The following SLC14A2 variants were observed in gnomAD, a reference collection of about 807,000 sequenced individuals.
SLC14A2 encodes the protein urea transporter 2.
Under a neutral mutation model 104.6 loss-of-function variants are expected in SLC14A2, and 91 were observed. That is an observed-to-expected ratio of 0.87 (90% CI 0.73 to 1.04). The LOEUF is 1.04. Among genes scored for constraint, SLC14A2 ranks in the 50% least tolerant of loss-of-function variants. The probability of loss-of-function intolerance (pLI) is 0.00; values close to 1 mark genes in which losing one functional copy is unlikely to be tolerated. For synonymous variants in SLC14A2, 476 were observed against 466.4 expected (o/e 1.02, Z -0.27); for missense variants, 1,189 against 1,156.0 (o/e 1.03, Z -0.41).
intron 2 of SLC14A2, among the ~76,000 whole-genome samples, chr18:45,561,557 C>T (rs1010855992): frequency 6.6e-6 from 1 of 152,158 alleles, no homozygotes; most frequent in Non-Finnish European, 1.5e-5. Context: ...CTCTACTTCA[C>T]AAACACCTAT....
intron 2 of SLC14A2, chr18:45,550,165 G>A (rs1013840399): frequency 3.3e-5 from 5 of 152,142 alleles, no homozygotes; most frequent in Non-Finnish European, 5.9e-5. Flanking sequence ...ATTAATAAAT[G>A]TACCCATTAC....
chr18:45,558,968 T>C (rs1188356916), intron 2 of SLC14A2, among the ~76,000 whole-genome samples: 28 of 152,186 alleles, frequency 1.8e-4, no homozygotes, highest in Non-Finnish European at 1.5e-5. Flanking sequence ...TTTTTTGTAT[T>C]TTAGTAGAGA....
intron 5 of SLC14A2, among the ~76,000 whole-genome samples, chr18:45,632,728 A>AG (rs1308060169): frequency 1.2e-4 from 19 of 152,164 alleles, no homozygotes; most frequent in African/African-American, 4.1e-4. Flanking sequence ...TCCAGGCTGG[A>AG]GTGCAGTGGC....
chr18:45,560,091 A>T (rs568634111), intron 2 of SLC14A2, among the ~76,000 whole-genome samples: 37 of 152,278 alleles, frequency 2.4e-4, no homozygotes, highest in African/African-American at 8.4e-4. Flanking sequence ...TCACTGCTTC[A>T]TCGTCATCTG....
the SLC14A2 span, chr18:45,179,944 G>T: frequency 6.6e-6 from 1 of 152,042 alleles, no homozygotes; most frequent in Non-Finnish European, 1.5e-5. Flanking sequence ...CCAGGAGTTC[G>T]AGGCCAGCCT....
At chr18:45,206,707 A>G in the SLC14A2 span, among the ~76,000 whole-genome samples, 35 of 152,190 alleles carry the variant, frequency 2.3e-4, no homozygotes, top group African/African-American at 8.2e-4. Flanking sequence ...TGAGTGCCAT[A>G]CAAGGCTGGT....
chr18:45,202,396 G>C, the SLC14A2 span, among the ~76,000 whole-genome samples: 208 of 152,246 alleles, frequency 1.4e-3, no homozygotes, highest in Non-Finnish European at 2.1e-3. Flanking sequence ...GAAATCTAGG[G>C]ACCAATTATG....
chr18:45,653,903 C>A (rs1241464653), intron 10 of SLC14A2, among the ~76,000 whole-genome samples: 2 of 152,188 alleles, frequency 1.3e-5, no homozygotes, highest in Admixed American at 1.3e-4. Context: ...GGCAAATTGG[C>A]CCCCTGAGGG....
At chr18:45,478,816 A>G (rs2087436271) in intron 1 of SLC14A2, among the ~76,000 whole-genome samples, 1 of 152,148 alleles carries the variant, frequency 6.6e-6, no homozygotes, top group African/African-American at 2.4e-5. Context: ...AAGACCAATT[A>G]AAGTGGAACC....
In SLC14A2 at chr18:45,671,560, C is replaced by T. The variant is rs142396563; in HGVS notation, c.2230-1340C>T. Among the ~76,000 whole-genome samples, 256 of 152,184 alleles carry T rather than the reference C, an allele frequency of 1.7e-3. 1 individual carries two copies. The Middle Eastern group carries it at 0.027, about 16-fold the overall frequency. ...CTGGCTGAGGACAAAACTGCCCATG[C>T]TGCTGCTTCTGTATGTGCAACTCTC... On this transcript the variant is annotated intron_variant, in intron 16 of 19. Transcript: ENST00000255226.
chr18:45,225,006 T>A (rs1471608648), intron 1 of SLC14A2, among the ~76,000 whole-genome samples: 1 of 152,234 alleles, frequency 6.6e-6, no homozygotes, highest in Non-Finnish European at 1.5e-5. Flanking sequence ...TTAGATCCCA[T>A]TTGTCAATTT....
intron 2 of SLC14A2, among the ~76,000 whole-genome samples, chr18:45,590,216 T>A (rs1160489839): frequency 6.6e-6 from 1 of 152,128 alleles, no homozygotes; most frequent in Non-Finnish European, 1.5e-5. Flanking sequence ...TGAATCCCAG[T>A]TTGGCTCTTT....
chr18:45,258,330 G>A (rs910010312), intron 1 of SLC14A2, among the ~76,000 whole-genome samples: 1 of 142,372 alleles, frequency 7.0e-6, no homozygotes, highest in Non-Finnish European at 1.5e-5. Context: ...ATGCCCAGAA[G>A]TGCCCGAATC....
At chr18:45,194,099 T>C in the SLC14A2 span, among the ~76,000 whole-genome samples, 72 of 152,350 alleles carry the variant, frequency 4.7e-4, 1 homozygote, top group South Asian at 8.1e-3. Flanking sequence ...AACTTTTTTG[T>C]AGATTCCATT....
At chr18:45,546,909 C>T (rs796136945) in intron 2 of SLC14A2, among the ~76,000 whole-genome samples, 34 of 152,108 alleles carry the variant, frequency 2.2e-4, no homozygotes, top group African/African-American at 6.8e-4. Context: ...ATTTTCATTC[C>T]GTCCTATGGG....
chr18:45,253,790 TATTTG>T (rs769517578), intron 1 of SLC14A2, among the ~76,000 whole-genome samples: 30 of 152,316 alleles, frequency 2.0e-4, no homozygotes, highest in Non-Finnish European at 2.6e-4. Flanking sequence ...ATTTAAGAAA[TATTTG>T]ATTTAATTCC....
chr18:45,357,476 G>C (rs755859643), intron 1 of SLC14A2, among the ~76,000 whole-genome samples: 1 of 152,092 alleles, frequency 6.6e-6, no homozygotes, highest in African/African-American at 2.4e-5. Context: ...TTAGCTGGGC[G>C]TGGTGGCACA....
intron 1 of SLC14A2, among the ~76,000 whole-genome samples, chr18:45,236,746 A>G (rs2084258798): frequency 6.6e-6 from 1 of 152,072 alleles, no homozygotes. Context: ...TCTCTCTTAA[A>G]CATTGTGATT....
At chr18:45,499,116 C>A (rs1194722625) in intron 2 of SLC14A2, among the ~76,000 whole-genome samples, 6 of 152,184 alleles carry the variant, frequency 3.9e-5, no homozygotes, top group Admixed American at 2.6e-4. Context: ...TCATTTTTCA[C>A]TGGTGGAGAA....
Sources: gnomAD v4.1 joint callset for allele counts (sites outside exome capture counted in the v4.1 genomes callset) on GRCh38, gnomAD v4.1.1 for gene constraint, MANE v1.5 for transcripts, NCBI Gene and HGNC (gene_info 2026-07-23, HGNC 2026-07-21) for gene names.